Variants in C14orf39 observed in about 807,000 individuals in gnomAD.
C14orf39 encodes protein SIX6OS1.
A neutral mutation model predicts 85.6 loss-of-function variants in C14orf39; 66 were observed. That is an observed-to-expected ratio of 0.77 (90% CI 0.63 to 0.95). The LOEUF (loss-of-function observed/expected upper bound fraction) is 0.95, where lower values mean the gene tolerates loss of function less well. Among genes scored for constraint, C14orf39 ranks in the 40% least tolerant of loss-of-function variants. C14orf39 has a pLI of 0.00. For missense variants in C14orf39, 735 were observed against 663.9 expected (o/e 1.11, Z -1.18); for synonymous variants, 242 against 214.0 (o/e 1.13, Z -1.14).
At chr14:60,503,607 TAG>T (rs1893171657) in intron 1 of C14orf39, among the ~76,000 whole-genome samples, 1 of 152,228 alleles carries the variant, frequency 6.6e-6, no homozygotes, top group African/African-American at 2.4e-5. Context: ...ATTTATAAAA[TAG>T]AGAGACACTG....
chr14:60,440,689 GA>G (rs1274762099), intron 17 of C14orf39, among the ~76,000 whole-genome samples: 1 of 151,436 alleles, frequency 6.6e-6, no homozygotes, highest in African/African-American at 2.4e-5. Context: ...ATTTCACTCA[GA>G]AAAAAAACCC....
intron 16 of C14orf39, among the ~76,000 whole-genome samples, chr14:60,450,549 C>T (rs368059686): frequency 9.2e-5 from 14 of 152,302 alleles, no homozygotes; most frequent in Admixed American, 5.2e-4. Flanking sequence ...ATCCCAAAAT[C>T]CTAGACAGCA....
intron 1 of C14orf39, among the ~76,000 whole-genome samples, chr14:60,499,597 G>A (rs918022029): frequency 2.0e-5 from 3 of 152,210 alleles, no homozygotes; most frequent in African/African-American, 4.8e-5. Context: ...AGTAGGAGAA[G>A]GAAATACAGA....
chr14:60,509,445 G>A (rs773962822), intron 1 of C14orf39: 2 of 1,599,882 alleles, frequency 1.3e-6, no homozygotes, highest in East Asian at 2.2e-5. Context: ...CAAGTGGCCG[G>A]GGTATGTGAG....
At chr14:60,450,056 C>T (rs1476359040) in intron 16 of C14orf39, among the ~76,000 whole-genome samples, 1 of 152,332 alleles carries the variant, frequency 6.6e-6, no homozygotes, top group Admixed American at 6.5e-5. Flanking sequence ...GGGCCTTGGG[C>T]TCTGAGAGGT....
At position 60,484,124 on chromosome 14, in the gene C14orf39, G is replaced by A. The variant is rs555218567; in HGVS notation, c.107-307C>T. ...ATATCTAAGGTCAATCGTATCTTAA[G>A]ATGCTATGAATTCTTGCAAACATTT... On this transcript the variant is annotated intron_variant, in intron 3 of 17. Coordinates refer to ENST00000321731, the MANE Select transcript of C14orf39 (RefSeq NM_174978.3). The surrounding 1 kb of genome is among the most constrained non-coding windows in gnomAD (Gnocchi z 4.2). 2.0e-5 allele frequency among the ~76,000 whole-genome samples: 3 copies of A among 152,270 alleles called. No homozygotes were observed. In the South Asian group the frequency reaches 6.2e-4, roughly 32 times the overall value.
At chr14:60,495,301 C>G (rs955707135) in intron 2 of C14orf39, 1 of 220,250 alleles carries the variant, frequency 4.5e-6, no homozygotes, top group Admixed American at 4.2e-5. Context: ...CTCATGGATT[C>G]CACTCCGTTG....
chr14:60,507,313 C>G (rs1166895562), intron 1 of C14orf39, among the ~76,000 whole-genome samples: 1 of 152,220 alleles, frequency 6.6e-6, no homozygotes, highest in Non-Finnish European at 1.5e-5. Flanking sequence ...CCCTCTTTTT[C>G]TGCACCGCGG....
chr14:60,485,773 C>A (rs1030300283), intron 1 of C14orf39, among the ~76,000 whole-genome samples, 172 bp downstream of exon 1: 1 of 152,120 alleles, frequency 6.6e-6, no homozygotes, highest in African/African-American at 2.4e-5. Context: ...CCGCATCCCC[C>A]CCATCCCCCG....
intron 1 of C14orf39, among the ~76,000 whole-genome samples, chr14:60,501,338 A>G (rs1893144943): frequency 6.7e-6 from 1 of 148,810 alleles, no homozygotes; most frequent in Admixed American, 6.7e-5. Flanking sequence ...AATCACATGC[A>G]TCCTTCTAAA....
intron 1 of C14orf39, 115 bp from the exon 2 acceptor site, chr14:60,485,201 C>A (rs1305449640): frequency 3.5e-6 from 3 of 861,520 alleles, no homozygotes; most frequent in Admixed American, 3.0e-5. Context: ...GTGGGCAGAG[C>A]CAGAACTGGA....
chr14:60,472,980 A>G (rs930214253), intron 5 of C14orf39, among the ~76,000 whole-genome samples: 6 of 152,178 alleles, frequency 3.9e-5, no homozygotes, highest in African/African-American at 1.4e-4. Flanking sequence ...GAATTGCCAC[A>G]CTGACTTCCA....
chr14:60,455,478 GAATGCAGCA>G, intron 15 of C14orf39, among the ~76,000 whole-genome samples: 1 of 152,216 alleles, frequency 6.6e-6, no homozygotes, highest in African/African-American at 2.4e-5. Context: ...GGTGGCAGGT[GAATGCAGCA>G]ATCACGATTC....
intron 17 of C14orf39, among the ~76,000 whole-genome samples, chr14:60,439,875 A>T (rs1890425917): frequency 6.6e-6 from 1 of 152,166 alleles, no homozygotes; most frequent in Admixed American, 6.5e-5. Flanking sequence ...GGAATTTGAG[A>T]CCAGCCTGGC....
intron 16 of C14orf39, among the ~76,000 whole-genome samples, chr14:60,451,985 A>G (rs1034884290): frequency 7.3e-5 from 11 of 151,604 alleles, no homozygotes; most frequent in Admixed American, 7.2e-4. Flanking sequence ...GATCGAGACC[A>G]TCCTGGCCAA....
At chr14:60,490,443 A>G (rs1892969489), upstream of C14orf39, among the ~76,000 whole-genome samples, 1 of 29,828 alleles carries the variant, frequency 3.4e-5, no homozygotes, top group African/African-American at 6.7e-5. Context: ...ATCTCTATAA[A>G]TAAATAAATG....
chr14:60,466,969 A>T lies in C14orf39; in HGVS notation c.843T>A (p.Ser281=), dbSNP rs1891822819. The T allele has an allele frequency of 6.8e-7, 1 of 1,462,270 alleles. No individual in the cohort carries two copies. Among genetic ancestry groups the T allele is most frequent in the African/African-American group, 1.5e-5 (1 of 68,512 alleles). The allele number at this position is 1,462,270 out of a possible 1,614,324, so 90.6% of individuals were successfully genotyped here. The change falls in exon 10 of 18, where the codon TCT becomes TCA. Residue 281 remains serine (S), a synonymous_variant. Transcript: ENST00000321731. ...QSSQLFLPYE[S]QKLVRPIKMH... ...TCTTTATTGGTCTTACTAATTTCTG[A>T]GATTCATAAGGAAGAAATAATTGAC...
chr14:60,464,061 A>T (rs189426005), intron 11 of C14orf39, among the ~76,000 whole-genome samples: 1 of 152,278 alleles, frequency 6.6e-6, no homozygotes, highest in Non-Finnish European at 1.5e-5. Flanking sequence ...GTTCTGGCCA[A>T]TGAAATGATA....
Position 60,457,015 on chromosome 14 carries a change from T to C in C14orf39, c.1260A>G (p.Arg420=). The C allele has an allele frequency of 1.2e-6, 2 of 1,611,270 alleles. No homozygotes were observed. The highest frequency in any genetic ancestry group is 1.7e-6 in the Non-Finnish European group (2 of 1,178,430). Residue 420 remains arginine, a synonymous_variant, in exon 15 of 18, where the codon CGA becomes CGG. Coordinates refer to ENST00000321731, the MANE Select transcript of C14orf39 (RefSeq NM_174978.3). Reference sequence around the variant, plus strand: ...CTAAAAATATAGGAATTTCAGACGTTCGTGGAAAATTCTCAGCTCTCTCTT... The same window carrying C: ...CTAAAAATATAGGAATTTCAGACGTCCGTGGAAAATTCTCAGCTCTCTCTT... ...EVEERAENFP[R]TSEIPIFLGT... is the part of the protein sequence containing the mutation.
Sources: gnomAD v4.1 joint callset for allele counts (sites outside exome capture counted in the v4.1 genomes callset) on GRCh38, gnomAD v4.1.1 for gene constraint, Gnocchi (gnomAD v3.1) non-coding constraint, MANE v1.5 for transcripts, NCBI Gene and HGNC (gene_info 2026-07-23, HGNC 2026-07-21) for gene names.